MIPEP: variants seen among roughly 807,000 people sequenced by gnomAD.
MIPEP encodes the protein mitochondrial intermediate peptidase.
A neutral mutation model predicts 90.3 loss-of-function variants in MIPEP; 79 were observed. The ratio of observed to expected loss-of-function variants is 0.87; its 90% CI spans 0.73 to 1.05. The LOEUF is 1.05. MIPEP is among the 50% of genes least tolerant of loss of function. The probability of loss-of-function intolerance (pLI) is 0.00; values close to 1 mark genes in which losing one functional copy is unlikely to be tolerated. For missense variants in MIPEP, 940 were observed against 905.6 expected (o/e 1.04, Z -0.49); for synonymous variants, 334 against 315.8 (o/e 1.06, Z -0.61).
At chr13:23,757,652 A>G (rs1952501838) in intron 17 of MIPEP, among the ~76,000 whole-genome samples, 1 of 152,172 alleles carries the variant, frequency 6.6e-6, no homozygotes, top group South Asian at 2.1e-4. Flanking sequence ...CGGATCAGCA[A>G]ACTCCACTGG....
chr13:23,847,464 T>TAAAAAAAA (rs60152921), intron 10 of MIPEP, among the ~76,000 whole-genome samples: 1 of 137,684 alleles, frequency 7.3e-6, no homozygotes, highest in African/African-American at 2.6e-5. Context: ...AAATCCAAGC[T>TAAAAAAAA]AAAAAAAAAA....
At chr13:23,778,011 T>C (rs74038744) in intron 16 of MIPEP, among the ~76,000 whole-genome samples, 2,827 of 152,340 alleles carry the variant, frequency 0.019, 92 homozygotes, top group African/African-American at 0.065. Context: ...TAGACATCTA[T>C]TGCTTCCATT....
chr13:23,865,830 C>A (rs1870509737), intron 7 of MIPEP, among the ~76,000 whole-genome samples: 1 of 151,946 alleles, frequency 6.6e-6, no homozygotes, highest in Admixed American at 6.6e-5. Flanking sequence ...GCCACCGCGC[C>A]CAATTAATTT....
chr13:23,809,500 A>G (rs1432253137), intron 15 of MIPEP, among the ~76,000 whole-genome samples: 2 of 152,006 alleles, frequency 1.3e-5, no homozygotes, highest in Non-Finnish European at 2.9e-5. Context: ...ATGCACCACC[A>G]TGCCTGGCTA....
intron 10 of MIPEP, among the ~76,000 whole-genome samples, chr13:23,843,907 A>G (rs572090152): frequency 6.6e-6 from 1 of 152,326 alleles, no homozygotes; most frequent in African/African-American, 2.4e-5. Flanking sequence ...AGTGGATGGT[A>G]GAGTCACTGA....
intron 16 of MIPEP, among the ~76,000 whole-genome samples, chr13:23,779,598 C>T (rs575197640): frequency 4.6e-5 from 7 of 152,022 alleles, no homozygotes; most frequent in Non-Finnish European, 7.4e-5. Flanking sequence ...TGGGGCTCGT[C>T]GGACAGTAGG....
intron 2 of MIPEP, among the ~76,000 whole-genome samples, chr13:23,884,548 T>C (rs1038976835): frequency 6.6e-6 from 1 of 152,190 alleles, no homozygotes; most frequent in Non-Finnish European, 1.5e-5. Context: ...CACCACACGC[T>C]GGCCAGCTGA....
At chr13:23,732,676 T>A (rs1952219071) in intron 18 of MIPEP, among the ~76,000 whole-genome samples, 1 of 152,236 alleles carries the variant, frequency 6.6e-6, no homozygotes, top group South Asian at 2.1e-4. Flanking sequence ...CAGTACATAC[T>A]GTTTGATTCC....
intron 2 of MIPEP, among the ~76,000 whole-genome samples, chr13:23,884,982 C>T (rs902176220): frequency 6.6e-6 from 1 of 152,156 alleles, no homozygotes; most frequent in African/African-American, 2.4e-5. Context: ...ATGAGTATAT[C>T]GAAGAGATAT....
chr13:23,873,957 C>T (rs1870947578), intron 5 of MIPEP, among the ~76,000 whole-genome samples: 1 of 152,138 alleles, frequency 6.6e-6, no homozygotes, highest in African/African-American at 2.4e-5. Context: ...GGGGTTACAG[C>T]ATTACTCAAA....
At chr13:23,876,282 G>C (rs985680432) in intron 4 of MIPEP, among the ~76,000 whole-genome samples, 3 of 152,162 alleles carry the variant, frequency 2.0e-5, no homozygotes, top group Non-Finnish European at 2.9e-5. Context: ...CCTTAATGGT[G>C]GTGGGTCTCA....
At chr13:23,795,035 T>TGTTTTATC (rs1952941535) in intron 16 of MIPEP, among the ~76,000 whole-genome samples, 2 of 152,216 alleles carry the variant, frequency 1.3e-5, no homozygotes, top group African/African-American at 2.4e-5. Flanking sequence ...TTTCTTCGTA[T>TGTTTTATC]TTAAGATAAA....
intron 16 of MIPEP, among the ~76,000 whole-genome samples, chr13:23,791,262 A>G (rs1952895357): frequency 6.6e-6 from 1 of 152,192 alleles, no homozygotes; most frequent in African/African-American, 2.4e-5. Flanking sequence ...ATGGCCAGGA[A>G]AAGCACACAA....
intron 10 of MIPEP, among the ~76,000 whole-genome samples, chr13:23,849,361 C>T (rs140926404): frequency 5.9e-5 from 9 of 152,370 alleles, no homozygotes; most frequent in African/African-American, 2.2e-4. Context: ...AGTGCCATCC[C>T]TGTCACCACC....
chr13:23,817,236 A>G (rs1252595041), intron 14 of MIPEP, among the ~76,000 whole-genome samples: 1 of 152,224 alleles, frequency 6.6e-6, no homozygotes, highest in Non-Finnish European at 1.5e-5. Flanking sequence ...AACCAAACAC[A>G]AAGGCAGAAA....
At chr13:23,850,709 G>A (rs1023511913) in intron 10 of MIPEP, among the ~76,000 whole-genome samples, 1 of 152,184 alleles carries the variant, frequency 6.6e-6, no homozygotes, top group South Asian at 2.1e-4. Flanking sequence ...ATAGAGGCTG[G>A]GGCCAAATCT....
At chr13:23,853,007 G>C (rs1869872153) in intron 10 of MIPEP, among the ~76,000 whole-genome samples, 1 of 152,074 alleles carries the variant, frequency 6.6e-6, no homozygotes, top group African/African-American at 2.4e-5. Flanking sequence ...ATTAAAAAAA[G>C]AGAAAATATT....
At chr13:23,839,795 A>C (rs1869217750) in intron 11 of MIPEP, 69 bp from the exon 12 acceptor site, 2 of 1,087,842 alleles carry the variant, frequency 1.8e-6, no homozygotes, top group Admixed American at 3.8e-5. Context: ...TAACACAAGA[A>C]TCTGTATATT....
intron 3 of MIPEP, 140 bp downstream of exon 3, chr13:23,881,559 C>G: frequency 1.4e-6 from 1 of 694,726 alleles, no homozygotes. Flanking sequence ...AGCCCTCCCT[C>G]CGGCCACCCC....
Sources: allele counts gnomAD v4.1 joint callset (sites outside exome capture counted in the v4.1 genomes callset), GRCh38; gene constraint gnomAD v4.1.1; transcripts MANE v1.5; gene names NCBI Gene and HGNC (gene_info 2026-07-23, HGNC 2026-07-21).